The following UBASH3A variants were observed in gnomAD, a reference collection of about 807,000 sequenced individuals.
UBASH3A encodes ubiquitin-associated and SH3 domain-containing protein A.
In UBASH3A, 63 loss-of-function variants were observed where a neutral mutation model predicts 73.5. The observed-to-expected ratio is 0.86, with a 90% CI of 0.70 to 1.06. The LOEUF is 1.06. UBASH3A is among the 50% of genes least tolerant of loss of function. The pLI is 0.00. For synonymous variants in UBASH3A, 363 were observed against 351.1 expected (o/e 1.03, Z -0.38); for missense variants, 860 against 859.0 (o/e 1.00, Z -0.02).
At chr21:42,423,196 C>T (rs538360849) in intron 7 of UBASH3A, among the ~76,000 whole-genome samples, 31 of 151,080 alleles carry the variant, frequency 2.1e-4, no homozygotes, top group Admixed American at 1.6e-3. Context: ...AAAACAGACA[C>T]ACATTCAACC....
At chr21:42,431,170 C>T (rs1334181191) in intron 8 of UBASH3A, among the ~76,000 whole-genome samples, 2 of 152,352 alleles carry the variant, frequency 1.3e-5, no homozygotes, top group East Asian at 3.9e-4. Context: ...CCTCTCAAGG[C>T]CAGTCCCTCA....
intron 8 of UBASH3A, among the ~76,000 whole-genome samples, chr21:42,429,905 C>A (rs1273214690): frequency 6.6e-6 from 1 of 152,102 alleles, no homozygotes; most frequent in Admixed American, 6.5e-5. Context: ...TGACTGCAAA[C>A]GTTCTCACTG....
intron 8 of UBASH3A, 127 bp downstream of exon 8, chr21:42,426,947 G>T: frequency 1.6e-6 from 2 of 1,253,224 alleles, no homozygotes; most frequent in South Asian, 2.9e-5. Flanking sequence ...CTGCCCTAGA[G>T]CGTGGTCAGC....
At chr21:42,411,848 G>A (rs1249721146) in intron 3 of UBASH3A, among the ~76,000 whole-genome samples, 3 of 152,232 alleles carry the variant, frequency 2.0e-5, no homozygotes, top group Non-Finnish European at 1.5e-5. Context: ...ATGTGAGACG[G>A]ATTCAGGAAT....
chr21:42,416,349 G>A (rs528609817), intron 5 of UBASH3A, 93 bp from the exon 6 acceptor site: 2 of 1,342,120 alleles, frequency 1.5e-6, no homozygotes, highest in South Asian at 1.6e-5. Context: ...AGTTCTGAGA[G>A]CCCTTGCCTT....
rs775063328 is a variant in UBASH3A at position 42,420,347 on chromosome 21, GT to G, written c.1046+1744del. On this transcript the variant is annotated intron_variant, in intron 7 of 14. Transcript: ENST00000319294. ...ATGCAAATAGTTGTTATACGGTATTGTTTTTTATTTGTATTTTTTAAATTGT... is the reference window on the plus strand; with the variant it reads ...ATGCAAATAGTTGTTATACGGTATTGTTTTTATTTGTATTTTTTAAATTGT... 2.6e-5 allele frequency among the ~76,000 whole-genome samples: 4 copies of G among 152,174 alleles called. 1 individual carries two copies. Among genetic ancestry groups the G allele is most frequent in the East Asian group, 1.9e-4 (1 of 5,180 alleles).
At chr21:42,431,972 G>C in intron 8 of UBASH3A, 131 bp from the exon 9 acceptor site, 3 of 605,302 alleles carry the variant, frequency 5.0e-6, no homozygotes, top group Non-Finnish European at 9.2e-6. Flanking sequence ...GGCAAAATGG[G>C]CTGAGCTATT....
At chr21:42,417,313 A>G (rs1715629371) in intron 6 of UBASH3A, among the ~76,000 whole-genome samples, 1 of 150,336 alleles carries the variant, frequency 6.7e-6, no homozygotes. Flanking sequence ...AATCCCAGCT[A>G]CTCGGGAGGC....
intron 8 of UBASH3A, among the ~76,000 whole-genome samples, chr21:42,427,099 C>A (rs2053449459): frequency 6.6e-6 from 1 of 152,152 alleles, no homozygotes; most frequent in Non-Finnish European, 1.5e-5. Context: ...TCATCCCATT[C>A]CCTCATTCAT....
chr21:42,421,182 G>GA (rs1601577769), intron 7 of UBASH3A, among the ~76,000 whole-genome samples: 1 of 152,358 alleles, frequency 6.6e-6, no homozygotes, highest in South Asian at 2.1e-4. Context: ...TACACATGGT[G>GA]AAAAAAGAGA....
At position 42,443,425 on chromosome 21, in the gene UBASH3A, GCCTCACCAT is replaced by G. The variant is rs2053787952; in HGVS notation, c.1738+13_1738+21del. 1.3e-6 allele frequency: 2 copies of G among 1,596,478 alleles called. No individual in the cohort carries two copies. The highest frequency in any genetic ancestry group is 1.7e-6 in the Non-Finnish European group (2 of 1,171,246). On this transcript the variant is annotated splice_region_variant and intron_variant, in intron 13 of 14. Coordinates refer to ENST00000319294, the MANE Select transcript of UBASH3A (RefSeq NM_018961.4). ...AACACCTGTCCACAGGACAGTAAGT[GCCTCACCAT>G]CCTCAGTATGAACAGCCCCTGGGGC...
In UBASH3A at chr21:42,406,243, G is replaced by A. The variant is rs913976659; in HGVS notation, c.114-65G>A. 2.2e-5 allele frequency: 30 copies of A among 1,358,502 alleles called. No homozygotes were observed. In the African/African-American group the frequency reaches 2.4e-4, roughly 11 times the overall value. The allele number at this position is 1,358,502 out of a possible 1,614,324, so 84.2% of individuals were successfully genotyped here. On this transcript the variant is annotated intron_variant, in intron 1 of 14. Coordinates refer to ENST00000319294, the MANE Select transcript of UBASH3A (RefSeq NM_018961.4). ...TCCTGGGTGTGCAAGGCCACACCCTGCCTCTCTGACCCTTTTCCCAAGAAT... is the reference window on the plus strand; with the variant it reads ...TCCTGGGTGTGCAAGGCCACACCCTACCTCTCTGACCCTTTTCCCAAGAAT...
intron 8 of UBASH3A, among the ~76,000 whole-genome samples, chr21:42,430,112 C>A (rs963757344): frequency 1.3e-5 from 2 of 152,146 alleles, no homozygotes; most frequent in Admixed American, 6.5e-5. Context: ...GTGAAATTGG[C>A]CCCCACCCTA....
At chr21:42,416,105 C>A (rs1483602389) in intron 5 of UBASH3A, among the ~76,000 whole-genome samples, 2 of 152,198 alleles carry the variant, frequency 1.3e-5, no homozygotes, top group African/African-American at 2.4e-5. Flanking sequence ...TGAACTGGAG[C>A]TCGGGCCTGC....
intron 11 of UBASH3A, among the ~76,000 whole-genome samples, chr21:42,438,952 G>A (rs945129208): frequency 1.3e-5 from 2 of 152,002 alleles, no homozygotes; most frequent in Non-Finnish European, 2.9e-5. Flanking sequence ...CCACATCAGA[G>A]CCGGGGCCAC....
At chr21:42,437,623 TG>T in intron 11 of UBASH3A, 43 bp downstream of exon 11, 1 of 1,557,516 alleles carries the variant, frequency 6.4e-7, no homozygotes, top group Non-Finnish European at 8.9e-7. Flanking sequence ...GCCTTGACCT[TG>T]GGGCTATTCT....
chr21:42,442,935 G>T (rs1006069026), intron 12 of UBASH3A, among the ~76,000 whole-genome samples: 2 of 152,178 alleles, frequency 1.3e-5, no homozygotes, highest in Admixed American at 1.3e-4. Flanking sequence ...ATCAGATGTC[G>T]AAGGTAGGAG....
rs1601599249 is a variant in UBASH3A, at chr21:42,438,391, A to C, written c.1486+811A>C. ...GGGAAGTTTGGGGTGCGCCGAAGGA[A>C]TGAATGGCTGTCAGGCAGAGGGGCC... On this transcript the variant is annotated intron_variant, in intron 11 of 14. Coordinates refer to ENST00000319294, the MANE Select transcript of UBASH3A (RefSeq NM_018961.4). Among the ~76,000 whole-genome samples the C allele has an allele frequency of 2.0e-5, 3 of 152,258 alleles. No homozygotes were observed. In the East Asian group the frequency reaches 5.8e-4, roughly 29 times the overall value.
chr21:42,424,272 G>A (rs766299435), intron 7 of UBASH3A, among the ~76,000 whole-genome samples: 1 of 152,118 alleles, frequency 6.6e-6, no homozygotes, highest in African/African-American at 2.4e-5. Context: ...CCGCCACAGA[G>A]GGCACCTTTC....
Sources: allele counts gnomAD v4.1 joint callset (sites outside exome capture counted in the v4.1 genomes callset), GRCh38; gene constraint gnomAD v4.1.1; transcripts MANE v1.5; gene names NCBI Gene and HGNC (gene_info 2026-07-23, HGNC 2026-07-21).